The following MCC variants were observed in gnomAD, a reference collection of about 807,000 sequenced individuals.
MCC encodes MCC regulator of Wnt signaling pathway.
A neutral mutation model predicts 116.2 loss-of-function variants in MCC; 90 were observed. The ratio of observed to expected loss-of-function variants is 0.77; its 90% CI spans 0.65 to 0.92. The LOEUF (loss-of-function observed/expected upper bound fraction) is 0.92. Ranked by LOEUF, MCC falls within the 40% of genes least tolerant of loss-of-function variation. The pLI, the probability that MCC is intolerant of heterozygous loss-of-function variation, is 0.00. For missense variants in MCC, 1,516 were observed against 1,312.2 expected (o/e 1.16, Z -2.40); for synonymous variants, 578 against 510.5 (o/e 1.13, Z -1.78).
chr5:113,143,316 C>T lies in MCC; in HGVS notation c.786G>A (p.Glu262=), dbSNP rs1759299254. The T allele has an allele frequency of 6.2e-7, 1 of 1,613,916 alleles. No homozygotes were observed. ...HLMREHEDVQ[E]RTTLRYEERI... ...GTTCCTCATAGCGAAGTGTCGTTCG[C>T]TCCTGGACATCCTCATGCTCTCTCA... is the stretch of plus-strand genomic sequence containing the variant. The change falls in exon 5 of 19, where the codon GAG becomes GAA. Residue 262 remains glutamate (E), a synonymous_variant. Transcript: ENST00000408903.
chr5:113,067,313 G>C (rs1014348350), intron 13 of MCC, among the ~76,000 whole-genome samples: 2 of 152,132 alleles, frequency 1.3e-5, no homozygotes, highest in African/African-American at 4.8e-5. Flanking sequence ...TTCTTTGTTC[G>C]TAAGACACCT....
intron 3 of MCC, among the ~76,000 whole-genome samples, chr5:113,222,578 T>G (rs554854198): frequency 4.6e-5 from 7 of 152,352 alleles, no homozygotes; most frequent in South Asian, 4.1e-4. Context: ...ACAACTCATT[T>G]GTCAGATATT....
At chr5:113,152,284 C>T (rs1759927803) in intron 3 of MCC, among the ~76,000 whole-genome samples, 2 of 152,200 alleles carry the variant, frequency 1.3e-5, no homozygotes, top group African/African-American at 4.8e-5. Context: ...ACACATGTGC[C>T]TTCTGTGATT....
chr5:113,043,174 GAA>G (rs1177578589), intron 17 of MCC, among the ~76,000 whole-genome samples: 2 of 152,222 alleles, frequency 1.3e-5, no homozygotes, highest in Non-Finnish European at 2.9e-5. Flanking sequence ...AACGCTGAAG[GAA>G]AGTATTCCTG....
intron 3 of MCC, among the ~76,000 whole-genome samples, chr5:113,263,756 A>G (rs1022180446): frequency 3.3e-5 from 5 of 152,208 alleles, no homozygotes; most frequent in African/African-American, 1.2e-4. Flanking sequence ...CTCCAGGAGC[A>G]TCTTAATTTT....
At chr5:113,417,801 C>T (rs1407085576) in intron 1 of MCC, among the ~76,000 whole-genome samples, 6 of 151,992 alleles carry the variant, frequency 3.9e-5, no homozygotes, top group Non-Finnish European at 5.9e-5. Flanking sequence ...TAGTGGTACA[C>T]GCCTGTAGTC....
chr5:113,364,851 T>C (rs1239981026), intron 2 of MCC, among the ~76,000 whole-genome samples: 1 of 152,212 alleles, frequency 6.6e-6, no homozygotes, highest in Non-Finnish European at 1.5e-5. Context: ...TGAGGCCCTT[T>C]GAGCCAAGTC....
intron 2 of MCC, among the ~76,000 whole-genome samples, chr5:113,342,954 C>A (rs1370162385): frequency 6.6e-6 from 1 of 152,108 alleles, no homozygotes; most frequent in Admixed American, 6.5e-5. Flanking sequence ...ATAGTCCCTG[C>A]CTGCAAAGAT....
At chr5:113,400,574 A>C (rs2150398542) in intron 1 of MCC, among the ~76,000 whole-genome samples, 1 of 152,334 alleles carries the variant, frequency 6.6e-6, no homozygotes, top group Non-Finnish European at 1.5e-5. Flanking sequence ...ATGATTTGTA[A>C]AAACTTCTCA....
At chr5:113,368,995 T>G (rs149474662) in intron 2 of MCC, among the ~76,000 whole-genome samples, 209 of 152,344 alleles carry the variant, frequency 1.4e-3, no homozygotes, top group African/African-American at 4.8e-3. Context: ...TTTACCAGTT[T>G]ATTACAAAGG....
At chr5:113,113,599 G>A (rs993925600) in intron 6 of MCC, among the ~76,000 whole-genome samples, 3 of 132,268 alleles carry the variant, frequency 2.3e-5, no homozygotes, top group African/African-American at 8.4e-5. Flanking sequence ...CTGACATTAG[G>A]AACCTCCCGC....
chr5:113,449,380 AAAG>A (rs1161703870), intron 1 of MCC, among the ~76,000 whole-genome samples: 1 of 152,214 alleles, frequency 6.6e-6, no homozygotes, highest in Non-Finnish European at 1.5e-5. Context: ...GAAGAAAGAA[AAAG>A]AATAAAATGA....
intron 3 of MCC, among the ~76,000 whole-genome samples, chr5:113,161,311 C>A (rs117801443): frequency 6.6e-6 from 1 of 152,066 alleles, no homozygotes. Flanking sequence ...TTTCAGTGCA[C>A]GCTAAATACT....
chr5:113,100,168 C>T (rs1296983137), intron 8 of MCC, among the ~76,000 whole-genome samples: 1 of 152,058 alleles, frequency 6.6e-6, no homozygotes, highest in Non-Finnish European at 1.5e-5. Flanking sequence ...GGTAGTAGTG[C>T]CAGCCTTTTA....
At chr5:113,277,209 C>A (rs1222684862) in intron 3 of MCC, among the ~76,000 whole-genome samples, 1 of 145,828 alleles carries the variant, frequency 6.9e-6, no homozygotes, top group African/African-American at 2.5e-5. Context: ...AAAACACAAA[C>A]AAAAAAAAAA....
At chr5:113,287,750 A>T (rs80208989) in intron 3 of MCC, among the ~76,000 whole-genome samples, 25 of 152,318 alleles carry the variant, frequency 1.6e-4, no homozygotes, top group African/African-American at 6.0e-4. Context: ...ACAACTGCAC[A>T]CTTGACTTTA....
chr5:113,085,207 T>C lies in MCC; in HGVS notation c.1502A>G (p.Glu501Gly), dbSNP rs1755122298. The C allele has an allele frequency of 1.9e-6, 3 of 1,614,164 alleles. No individual in the cohort carries two copies. Among genetic ancestry groups the C allele is most frequent in the Non-Finnish European group, 2.5e-6 (3 of 1,180,028 alleles). ...ATTGCTGCTGCTGCTTGTGCTCAGCTCCCCAGTGCTGGGGTTAATCGGGCG... is the reference window on the plus strand; with the variant it reads ...ATTGCTGCTGCTGCTTGTGCTCAGCCCCCCAGTGCTGGGGTTAATCGGGCG... Reference protein sequence around the residue: ...TNRPINPSTGELSTSSSSNDI... With the variant: ...TNRPINPSTGGLSTSSSSNDI... The change falls in exon 9 of 19, where the codon GAG becomes GGG. Residue 501 changes from glutamate (E) to glycine (G), a missense_variant. Glu to Gly is a moderately conservative substitution (Grantham distance 98, BLOSUM62 -2). Transcript: ENST00000408903.
intron 6 of MCC, among the ~76,000 whole-genome samples, chr5:113,113,388 T>A (rs896932384): frequency 1.3e-5 from 2 of 152,038 alleles, no homozygotes; most frequent in Non-Finnish European, 1.5e-5. Flanking sequence ...CATAGAAAAT[T>A]AGAAAACAGA....
intron 3 of MCC, among the ~76,000 whole-genome samples, chr5:113,327,555 A>ATATATATATATATAT (rs1295231073): frequency 2.5e-5 from 2 of 80,970 alleles, no homozygotes; most frequent in Non-Finnish European, 5.3e-5. Context: ...CAAAAAAAAA[A>ATATATATATATATAT]AAAAAAATAT....
Sources: gnomAD v4.1 joint callset for allele counts (sites outside exome capture counted in the v4.1 genomes callset) on GRCh38, gnomAD v4.1.1 for gene constraint, MANE v1.5 for transcripts, NCBI Gene and HGNC (gene_info 2026-07-23, HGNC 2026-07-21) for gene names.